Variants in APC observed in about 807,000 individuals in gnomAD.
APC encodes the protein adenomatous polyposis coli protein.
Under a neutral mutation model 247.0 loss-of-function variants are expected in APC, and 72 were observed. That is an observed-to-expected ratio of 0.29 (90% CI 0.24 to 0.35). APC has a LOEUF of 0.35. Ranked by LOEUF, APC falls within the 10% of genes least tolerant of loss-of-function variation. The pLI is 1.00. For synonymous variants in APC, 1,254 were observed against 1,162.5 expected (o/e 1.08, Z -1.60); for missense variants, 3,400 against 3,360.7 (o/e 1.01, Z -0.29).
At chr5:112,776,426 G>A (rs1757658231) in intron 5 of APC, among the ~76,000 whole-genome samples, 1 of 152,206 alleles carries the variant, frequency 6.6e-6, no homozygotes, top group South Asian at 2.1e-4. Context: ...ATTTATGACA[G>A]CAGGTCCTAA....
chr5:112,795,900 G>C (rs1436369271), intron 7 of APC, among the ~76,000 whole-genome samples: 1 of 152,120 alleles, frequency 6.6e-6, no homozygotes, highest in East Asian at 1.9e-4. Flanking sequence ...AAGATGAAGG[G>C]ACATCCTGAG....
intron 2 of APC, among the ~76,000 whole-genome samples, chr5:112,765,446 C>T (rs1341316554): frequency 2.0e-5 from 3 of 152,108 alleles, no homozygotes; most frequent in African/African-American, 7.2e-5. Flanking sequence ...TCAGTGAAAC[C>T]GTCTTTGCTC....
rs1473655779 is a variant in APC, at chr5:112,775,710, A to C, written c.504A>C (p.Arg168Ser). The C allele has an allele frequency of 6.3e-7, 1 of 1,593,378 alleles. No homozygotes were observed. Among genetic ancestry groups the C allele is most frequent in the Non-Finnish European group, 8.6e-7 (1 of 1,168,300 alleles). ...CTCAACTTCAGAATCTCACTAAAAG[A>C]ATAGATAGTCTTCCTTTAACTGAAA... Reference protein sequence around the residue: ...YYAQLQNLTKRIDSLPLTENF... With the variant: ...YYAQLQNLTKSIDSLPLTENF... The change falls in exon 5 of 16, where the codon AGA becomes AGC. Residue 168 changes from arginine to serine, a missense_variant. Physicochemically the swap from Arg to Ser is moderately radical, Grantham distance 110. Coordinates refer to ENST00000257430, the MANE Select transcript of APC (RefSeq NM_000038.6).
chr5:112,830,824 T>C (rs1309265619), intron 14 of APC, among the ~76,000 whole-genome samples: 5 of 152,142 alleles, frequency 3.3e-5, no homozygotes, highest in African/African-American at 1.2e-4. Context: ...AGGAAACTTT[T>C]GGGGATGATA....
rs1766706339 is a variant in APC, at chr5:112,843,882, G to A, written c.8288G>A (p.Ser2763Asn). 6.2e-7 allele frequency: 1 copy of A among 1,613,984 alleles called. No homozygotes were observed. Among genetic ancestry groups the A allele is most frequent in the African/African-American group, 1.3e-5 (1 of 75,038 alleles). ...TCTATAGTGGAACGTACCCCATTCA[G>A]TTCTAGCAGCTCAAGCAAACACAGT... Reference protein sequence around the residue: ...ESSIVERTPFSSSSSSKHSSP... With the variant: ...ESSIVERTPFNSSSSSKHSSP... Residue 2763 changes from serine to asparagine, a missense_variant, in exon 16 of 16, where the codon AGT becomes AAT. Around this residue, in one of 9 missense-constraint regions of APC, gnomAD observed 1,788 missense variants for 1,649.5 expected, o/e 1.08. Transcript: ENST00000257430. The surrounding 1 kb of genome is among the most constrained non-coding windows in gnomAD (Gnocchi z 4.8).
At chr5:112,727,561 TATG>T (rs1212116605) in intron 1 of APC, among the ~76,000 whole-genome samples, 10 of 152,310 alleles carry the variant, frequency 6.6e-5, no homozygotes, top group African/African-American at 2.4e-4. Context: ...TCTTATCAAT[TATG>T]ATATATTTTC....
chr5:112,843,112 A>G lies in APC; in HGVS notation c.7518A>G (p.Lys2506=), dbSNP rs876659798. 6.2e-7 allele frequency: 1 copy of G among 1,613,750 alleles called. No individual in the cohort carries two copies. Among genetic ancestry groups the G allele is most frequent in the African/African-American group, 1.3e-5 (1 of 74,824 alleles). The change falls in exon 16 of 16, where the codon AAA becomes AAG. Residue 2506 remains lysine (K), a synonymous_variant. Transcript: ENST00000257430. The surrounding 1 kb of genome is among the most constrained non-coding windows in gnomAD (Gnocchi z 4.8). ...CTGTTCAGGCTGGTGGATGGCGAAA[A>G]CTCCCACCTAATCTCAGTCCCACTA... ...HSSVQAGGWR[K]LPPNLSPTIE...
In APC at chr5:112,839,677, C is replaced by T. The variant is rs1464598628; in HGVS notation, c.4083C>T (p.Pro1361=). The T allele has an allele frequency of 6.2e-7, 1 of 1,614,140 alleles. No homozygotes were observed. The highest frequency in any genetic ancestry group is 2.2e-5 in the East Asian group (1 of 44,868). The stretch of plus-strand genomic sequence containing the variant: ...AATTTTCTTCAGGAGCGAAATCTCC[C>T]TCCAAAAGTGGTGCTCAGACACCCA... ...AVEFSSGAKS[P]SKSGAQTPKS... The change falls in exon 16 of 16, where the codon CCC becomes CCT. Residue 1361 remains proline, a synonymous_variant. Transcript: ENST00000257430. The surrounding 1 kb of genome is among the most constrained non-coding windows in gnomAD (Gnocchi z 5.0).
intron 8 of APC, 25 bp from the exon 9 acceptor site, chr5:112,815,470 C>G: frequency 6.5e-7 from 1 of 1,537,856 alleles, no homozygotes; most frequent in Non-Finnish European, 9.0e-7. Context: ...TAAATTATAC[C>G]ATCTATAATG....
intron 2 of APC, among the ~76,000 whole-genome samples, chr5:112,762,193 T>C (rs552121672): frequency 1.3e-5 from 2 of 152,222 alleles, no homozygotes; most frequent in African/African-American, 2.4e-5. Context: ...ATTTCACTCC[T>C]ACTCAAATGA....
rs1408368641 is a variant in APC, at chr5:112,794,338, TC to T, written c.729+1811del. Among the ~76,000 whole-genome samples, 6 of 152,160 alleles carry T rather than the reference TC, an allele frequency of 3.9e-5. No homozygotes were observed. The East Asian group carries it at 1.2e-3, about 29-fold the overall frequency. On this transcript the variant is annotated intron_variant, in intron 7 of 15. Transcript: ENST00000257430. ...TCAAGCAATCTGCCTGTCTTGGCCT[TC>T]CAAAGTGTGGGATTACAGGCGTGAG... is the stretch of plus-strand genomic sequence containing the variant.
intron 7 of APC, among the ~76,000 whole-genome samples, chr5:112,793,002 A>C (rs1208398642): frequency 6.6e-6 from 1 of 152,142 alleles, no homozygotes; most frequent in South Asian, 2.1e-4. Flanking sequence ...ACATTCTAGC[A>C]TATCAGAGAG....
At chr5:112,738,456 G>T (rs1001300843) in intron 1 of APC, 1 of 985,848 alleles carries the variant, frequency 1.0e-6, no homozygotes, top group Non-Finnish European at 1.2e-6. Context: ...AAGAGGAGGA[G>T]GCAGGTACTG....
chr5:112,818,844 T>TTTTG, intron 9 of APC, 122 bp from the exon 10 acceptor site: 2 of 842,626 alleles, frequency 2.4e-6, no homozygotes, highest in South Asian at 1.7e-5. Flanking sequence ...GTTTTTTTTT[T>TTTTG]GGCGGGGGGG....
At chr5:112,786,581 A>G (rs1356506598) in intron 6 of APC, among the ~76,000 whole-genome samples, 1 of 152,184 alleles carries the variant, frequency 6.6e-6, no homozygotes, top group Non-Finnish European at 1.5e-5. Flanking sequence ...AGGTGTAAGT[A>G]CACCTCTATA....
intron 1 of APC, among the ~76,000 whole-genome samples, chr5:112,709,659 G>A (rs776961004): frequency 7.2e-5 from 11 of 152,128 alleles, no homozygotes; most frequent in African/African-American, 2.7e-4. Context: ...CAGCACTTTG[G>A]GAGAGGCCAA....
At position 112,760,376 on chromosome 5, in the gene APC, G is replaced by A. The variant is rs183237655; in HGVS notation, c.135+5351G>A. ...CTAGAAACGCAGAATGTTAGCAGGC[G>A]AAGTCCTGCTAGAGGGAGAGACATG... On this transcript the variant is annotated intron_variant, in intron 2 of 15. Coordinates refer to ENST00000257430, the MANE Select transcript of APC (RefSeq NM_000038.6). Among the ~76,000 whole-genome samples, 4 of 152,300 alleles carry A rather than the reference G, an allele frequency of 2.6e-5. No homozygotes were observed. The East Asian group carries it at 7.7e-4, about 29-fold the overall frequency.
intron 6 of APC, among the ~76,000 whole-genome samples, chr5:112,785,338 CAAGTT>C (rs765525527): frequency 1.4e-4 from 22 of 151,992 alleles, no homozygotes; most frequent in Non-Finnish European, 2.4e-4. Context: ...TAAGGTAACT[CAAGTT>C]AAGATACATA....
chr5:112,834,429 G>C (rs1350972484), intron 14 of APC, among the ~76,000 whole-genome samples: 1 of 150,676 alleles, frequency 6.6e-6, no homozygotes, highest in Non-Finnish European at 1.5e-5. Context: ...TATTTTTGTA[G>C]AGACGGGGTT....
Sources: gnomAD v4.1 joint callset for allele counts (sites outside exome capture counted in the v4.1 genomes callset) on GRCh38, gnomAD v4.1.1 for gene constraint, gnomAD v4.1.1 regional missense constraint, Gnocchi (gnomAD v3.1) non-coding constraint, MANE v1.5 for transcripts, NCBI Gene and HGNC (gene_info 2026-07-23, HGNC 2026-07-21) for gene names.